Variants in ZNF385D observed in about 807,000 individuals in gnomAD.
ZNF385D encodes zinc finger protein 659.
In ZNF385D, 15 loss-of-function variants were observed where a neutral mutation model predicts 35.8. That is an observed-to-expected ratio of 0.42 (90% CI 0.28 to 0.64). The LOEUF (loss-of-function observed/expected upper bound fraction) is 0.64. ZNF385D is among the 30% of genes least tolerant of loss of function. The pLI is 0.23. For synonymous variants in ZNF385D, 212 were observed against 186.8 expected (o/e 1.13, Z -1.10); for missense variants, 474 against 494.6 (o/e 0.96, Z 0.39).
At chr3:22,187,080 A>G (rs1695684577) in intron 2 of ZNF385D, among the ~76,000 whole-genome samples, 1 of 152,158 alleles carries the variant, frequency 6.6e-6, no homozygotes. Flanking sequence ...CCAGATTATA[A>G]CAAACGAGGA....
intron 1 of ZNF385D, among the ~76,000 whole-genome samples, chr3:21,732,031 T>TTTTTTTG (rs2069031324): frequency 1.1e-4 from 1 of 8,930 alleles, no homozygotes; most frequent in Non-Finnish European, 2.4e-4. Context: ...TTTTTCGGGG[T>TTTTTTTG]TTTTTTTTTT....
chr3:22,135,717 C>T (rs77946126), intron 3 of ZNF385D, among the ~76,000 whole-genome samples: 2,137 of 152,086 alleles, frequency 0.014, 50 homozygotes, highest in African/African-American at 0.047. Context: ...ACCAAATTAC[C>T]CACTGTTAAG....
At chr3:22,243,159 A>G (rs1699587008) in intron 2 of ZNF385D, among the ~76,000 whole-genome samples, 1 of 151,012 alleles carries the variant, frequency 6.6e-6, no homozygotes, top group Non-Finnish European at 1.5e-5. Context: ...GAATATAAAA[A>G]TAACACTTGC....
intron 2 of ZNF385D, among the ~76,000 whole-genome samples, chr3:21,635,539 G>T (rs544621551): frequency 1.2e-4 from 14 of 119,108 alleles, no homozygotes; most frequent in South Asian, 2.7e-4. Context: ...ACTGTTTGTT[G>T]TTGTTGTTGT....
intron 4 of ZNF385D, among the ~76,000 whole-genome samples, chr3:21,444,603 T>G (rs991541033): frequency 6.6e-6 from 1 of 151,934 alleles, no homozygotes; most frequent in South Asian, 2.1e-4. Flanking sequence ...GCCAGGCTGG[T>G]CTTGAATGCT....
intron 3 of ZNF385D, among the ~76,000 whole-genome samples, chr3:21,941,647 G>A (rs984690620): frequency 1.7e-4 from 26 of 151,750 alleles, no homozygotes; most frequent in Admixed American, 6.6e-4. Context: ...ACAGGCGCCC[G>A]CCACCACGTC....
At position 21,421,463 on chromosome 3, in the gene ZNF385D, A is replaced by C; in HGVS notation, c.955-16T>G. 6.3e-7 allele frequency: 1 copy of C among 1,583,320 alleles called. No homozygotes were observed. The highest frequency in any genetic ancestry group is 8.6e-7 in the Non-Finnish European group (1 of 1,159,220). On this transcript the variant is annotated splice_polypyrimidine_tract_variant and intron_variant, in intron 7 of 7. Transcript: ENST00000281523. ...CTAATTTTACCTGCAAGGGAGAAAA[A>C]ATATTGTAAAAAAAACAACAGTTTT...
At chr3:21,532,139 G>T (rs1161131874) in intron 3 of ZNF385D, among the ~76,000 whole-genome samples, 2 of 152,072 alleles carry the variant, frequency 1.3e-5, no homozygotes, top group African/African-American at 2.4e-5. Flanking sequence ...ATGTGGTTAG[G>T]TCTGCCTGTG....
At chr3:22,150,576 A>G (rs79560858) in intron 3 of ZNF385D, among the ~76,000 whole-genome samples, 1,544 of 152,258 alleles carry the variant, frequency 0.01, 22 homozygotes, top group African/African-American at 0.035. Context: ...TGAGCACTAA[A>G]AAGAAGATAA....
At chr3:22,016,768 TG>T (rs34444546) in intron 3 of ZNF385D, among the ~76,000 whole-genome samples, 8,588 of 152,042 alleles carry the variant, frequency 0.056, 811 homozygotes, top group African/African-American at 0.19. Flanking sequence ...ACTGAAGTTT[TG>T]GGGGTTGTTT....
chr3:21,736,887 G>T (rs372720833), intron 1 of ZNF385D, among the ~76,000 whole-genome samples: 3 of 152,122 alleles, frequency 2.0e-5, no homozygotes, highest in African/African-American at 7.2e-5. Context: ...TTTCCATAGG[G>T]CATTTTGGCA....
At chr3:22,068,666 CT>C (rs538427560) in intron 3 of ZNF385D, among the ~76,000 whole-genome samples, 17 of 152,338 alleles carry the variant, frequency 1.1e-4, no homozygotes, top group Admixed American at 8.5e-4. Flanking sequence ...CACATTTCCT[CT>C]CACATATGTG....
At chr3:22,265,576 G>T (rs185660250) in intron 2 of ZNF385D, among the ~76,000 whole-genome samples, 1 of 151,850 alleles carries the variant, frequency 6.6e-6, no homozygotes, top group Non-Finnish European at 1.5e-5. Flanking sequence ...CCTAACACAC[G>T]CTATCAAATC....
intron 2 of ZNF385D, among the ~76,000 whole-genome samples, chr3:22,300,059 A>G (rs76390271): frequency 6.6e-6 from 1 of 151,970 alleles, no homozygotes. Context: ...TTTAAAATAT[A>G]CTATAAAGCT....
intron 3 of ZNF385D, among the ~76,000 whole-genome samples, chr3:21,536,236 T>C (rs1186104070): frequency 6.6e-6 from 1 of 152,108 alleles, no homozygotes; most frequent in Non-Finnish European, 1.5e-5. Context: ...ACTCTAGCAA[T>C]ATGCTTAGTG....
intron 2 of ZNF385D, among the ~76,000 whole-genome samples, chr3:21,637,308 C>A (rs950208461): frequency 5.9e-5 from 9 of 152,208 alleles, no homozygotes; most frequent in African/African-American, 1.2e-4. Context: ...AGGTTTCATT[C>A]TCCTACAGGT....
intron 1 of ZNF385D, among the ~76,000 whole-genome samples, chr3:21,665,700 G>A (rs187428517): frequency 1.3e-5 from 2 of 152,284 alleles, no homozygotes; most frequent in East Asian, 3.9e-4. Context: ...TGAGCAGGCA[G>A]TGGGAATATT....
At chr3:22,300,065 A>C (rs1474575751) in intron 2 of ZNF385D, among the ~76,000 whole-genome samples, 1 of 151,984 alleles carries the variant, frequency 6.6e-6, no homozygotes, top group Non-Finnish European at 1.5e-5. Context: ...ATATACTATA[A>C]AGCTATAGTA....
At position 21,866,409 on chromosome 3, in the gene ZNF385D, G is replaced by A. The variant is rs57294157; in HGVS notation, c.326-201381C>T. Among the ~76,000 whole-genome samples the A allele has an allele frequency of 6.3e-3, 961 of 152,198 alleles. 10 individuals carry two copies. The highest frequency in any genetic ancestry group is 0.022 in the African/African-American group (904 of 41,532). On this transcript the variant is annotated intron_variant, in intron 3 of 5. Coordinates refer to the ZNF385D transcript ENST00000494108. The stretch of plus-strand genomic sequence containing the variant: ...GTGGAGGTTGCAGTGAGCCAAGATC[G>A]CACGATTGCACTCTCTGTCTTGGGC...
Sources: gnomAD v4.1 joint callset for allele counts (sites outside exome capture counted in the v4.1 genomes callset) on GRCh38, gnomAD v4.1.1 for gene constraint, MANE v1.5 for transcripts, NCBI Gene and HGNC (gene_info 2026-07-23, HGNC 2026-07-21) for gene names.